The following ANKRD26 variants were observed in gnomAD, a reference collection of about 807,000 sequenced individuals.
The protein encoded by ANKRD26 is ankyrin repeat domain 26.
In ANKRD26, 141 loss-of-function variants were observed where a neutral mutation model predicts 208.7. That is an observed-to-expected ratio of 0.68 (90% CI 0.59 to 0.78). The LOEUF is 0.78. Among genes scored for constraint, ANKRD26 ranks in the 30% least tolerant of loss-of-function variants. The pLI, the probability that ANKRD26 is intolerant of heterozygous loss-of-function variation, is 0.00. For synonymous variants in ANKRD26, 636 were observed against 660.4 expected, an observed-to-expected ratio of 0.96 and a Z score of 0.57; for missense variants, 1,889 against 1,938.7, an observed-to-expected ratio of 0.97 and a Z score of 0.48.
At chr10:26,971,070 G>C, downstream of ANKRD26, among the ~76,000 whole-genome samples, 1 of 152,162 alleles carries the variant, frequency 6.6e-6, no homozygotes, top group Non-Finnish European at 1.5e-5. Flanking sequence ...AAAAGTTAAA[G>C]TGCCCTACCA....
intron 32 of ANKRD26, among the ~76,000 whole-genome samples, chr10:27,011,194 A>G (rs2053092585): frequency 6.6e-6 from 1 of 152,212 alleles, no homozygotes; most frequent in Non-Finnish European, 1.5e-5. Flanking sequence ...GGATATTTTC[A>G]TAATGATACA....
At chr10:26,997,012 TTTTTG>T (rs1165939140) in intron 4 of ANKRD26, among the ~76,000 whole-genome samples, 1 of 152,160 alleles carries the variant, frequency 6.6e-6, no homozygotes, top group Non-Finnish European at 1.5e-5. Context: ...TTTTGGGTTG[TTTTTG>T]TTTTGTCTCC....
chr10:27,027,871 C>T (rs1177759573), intron 27 of ANKRD26, among the ~76,000 whole-genome samples: 4 of 152,086 alleles, frequency 2.6e-5, no homozygotes, highest in African/African-American at 9.7e-5. Flanking sequence ...TTTATAATGG[C>T]GTGAAACCAT....
intron 9 of ANKRD26, 34 bp downstream of exon 9, chr10:27,077,304 G>A: frequency 6.6e-7 from 1 of 1,517,544 alleles, no homozygotes. Context: ...CAGGGGAAGG[G>A]TACATGAAAA....
intron 26 of ANKRD26, 52 bp from the exon 27 acceptor site, chr10:27,028,997 C>T: frequency 1.4e-6 from 2 of 1,426,386 alleles, no homozygotes; most frequent in Non-Finnish European, 1.9e-6. Flanking sequence ...TTTTAAAATA[C>T]TGTGTAATTT....
At chr10:27,098,412 G>C (rs1435175562) in intron 1 of ANKRD26, among the ~76,000 whole-genome samples, 1 of 152,114 alleles carries the variant, frequency 6.6e-6, no homozygotes, top group African/African-American at 2.4e-5. Flanking sequence ...ATCTGTGCAA[G>C]ATTCATATTC....
rs1420965961 is a variant in ANKRD26, at chr10:27,100,193, C to T, written c.134G>A (p.Arg45Gln). The change falls in exon 1 of 34, where the codon CGA becomes CAA. Residue 45 changes from arginine to glutamine, a missense_variant. Physicochemically the swap from Arg to Gln is conservative, Grantham distance 43. This residue lies in a region of ANKRD26 where 1,272 missense variants were observed against 1,273.8 expected (regional missense o/e 1.00). Transcript: ENST00000376087. The part of the protein sequence containing the change: ...YSQPGYHVRD[R>Q]DLGKIHKAAS... The stretch of plus-strand genomic sequence containing the variant: ...AGCTTTGTGGATCTTGCCGAGATCT[C>T]GGTCTCGGACGTGGTAGCCGGGCTG... 1 of 1,613,852 alleles carries T rather than the reference C, an allele frequency of 6.2e-7. No individual in the cohort carries two copies.
At chr10:26,974,497 C>G (rs888727789) in exon 6 of ANKRD26, among the ~76,000 whole-genome samples, 1 of 152,064 alleles carries the variant, frequency 6.6e-6, no homozygotes, top group Non-Finnish European at 1.5e-5. Flanking sequence ...CCCGCCACCA[C>G]GCCTGGCTAA....
rs745918129 is a variant in ANKRD26 at position 27,100,340 on chromosome 10, G to A, written c.-14C>T. On this transcript the variant is annotated 5_prime_UTR_variant, in exon 1 of 34. Coordinates refer to ENST00000376087, the MANE Select transcript of ANKRD26 (RefSeq NM_014915.3). ...AATCTTCTTCATGGCCCAGGCGACC[G>A]GGCTTCAGAGACACCTCATGTCTCT... is the stretch of plus-strand genomic sequence containing the variant. The A allele has an allele frequency of 2.5e-6, 4 of 1,605,044 alleles. No homozygotes were observed. Among genetic ancestry groups the A allele is most frequent in the Non-Finnish European group, 3.4e-6 (4 of 1,179,786 alleles).
At chr10:26,980,040 AATC>A (rs2052284428) in intron 5 of ANKRD26, among the ~76,000 whole-genome samples, 1 of 152,200 alleles carries the variant, frequency 6.6e-6, no homozygotes, top group South Asian at 2.1e-4. Flanking sequence ...AGAGTGGCTA[AATC>A]ATCATCTGGT....
Position 27,067,172 on chromosome 10 carries a change from T to G in ANKRD26, c.1192A>C (p.Lys398Gln). 6.2e-7 allele frequency: 1 copy of G among 1,613,596 alleles called. No individual in the cohort carries two copies. The highest frequency in any genetic ancestry group is 8.5e-7 in the Non-Finnish European group (1 of 1,179,672). ...DNLTYVDEVH[K>Q]NNRSDMMSAL... ...ACTAACTTACCACTTCTATTATTTT[T>G]GTGCACTTCATCAACATAAGTCAAA... is the stretch of plus-strand genomic sequence containing the variant. Residue 398 changes from lysine (K) to glutamine (Q), a missense_variant, in exon 10 of 34, where the codon AAA (lysine) becomes CAA (glutamine). Around this residue, in one of 3 missense-constraint regions of ANKRD26, gnomAD observed 1,272 missense variants for 1,273.8 expected, o/e 1.00. Coordinates refer to ENST00000376087, the MANE Select transcript of ANKRD26 (RefSeq NM_014915.3).
At position 27,035,598 on chromosome 10, in the gene ANKRD26, T is replaced by G. The variant is rs372473998; in HGVS notation, c.2852A>C (p.Glu951Ala). ...AGTCTTCTGAAGGTCTTCATTCTTT[T>G]CTTTTACAATTTTAAGGTCCTCAAA... ...KCFEDLKIVK[E>A]KNEDLQKTIK... is the part of the protein sequence containing the mutation. Residue 951 changes from glutamate to alanine, a missense_variant, in exon 24 of 34, where the codon GAA (glutamate) becomes GCA (alanine). Glu to Ala is a moderately radical substitution (Grantham distance 107). Around this residue, in one of 3 missense-constraint regions of ANKRD26, gnomAD observed 1,272 missense variants for 1,273.8 expected, o/e 1.00. Coordinates refer to ENST00000376087, the MANE Select transcript of ANKRD26 (RefSeq NM_014915.3). 6.2e-7 allele frequency: 1 copy of G among 1,606,144 alleles called. No individual in the cohort carries two copies. Among genetic ancestry groups the G allele is most frequent in the Non-Finnish European group, 8.5e-7 (1 of 1,177,584 alleles).
intron 5 of ANKRD26, among the ~76,000 whole-genome samples, chr10:26,993,245 G>C (rs1290872607): frequency 2.6e-5 from 4 of 152,138 alleles, no homozygotes; most frequent in Non-Finnish European, 5.9e-5. Flanking sequence ...ACCATCCTGG[G>C]GGTAATCAAG....
At chr10:27,010,729 A>T (rs2053070947) in intron 32 of ANKRD26, among the ~76,000 whole-genome samples, 1 of 152,052 alleles carries the variant, frequency 6.6e-6, no homozygotes. Flanking sequence ...CCTGGTCTTG[A>T]ACTCCTGAGC....
chr10:27,003,987 G>C (rs1166214751), downstream of ANKRD26: 1 of 152,100 alleles, frequency 6.6e-6, no homozygotes, highest in Non-Finnish European at 1.5e-5. Context: ...CTATAGATTA[G>C]ATATTAACAT....
exon 6 of ANKRD26, among the ~76,000 whole-genome samples, chr10:26,975,799 C>T (rs1184067359): frequency 1.3e-5 from 2 of 151,700 alleles, no homozygotes; most frequent in Non-Finnish European, 2.9e-5. Context: ...CCCAGATTGC[C>T]CCACTGCACT....
intron 21 of ANKRD26, among the ~76,000 whole-genome samples, chr10:27,039,453 CAA>C (rs34965939): frequency 8.9e-5 from 9 of 101,360 alleles, no homozygotes; most frequent in Non-Finnish European, 4.2e-5. Context: ...GACTCCATCT[CAA>C]AAAAAAAAAA....
chr10:26,965,001 G>T, the ANKRD26 span, among the ~76,000 whole-genome samples: 1 of 152,184 alleles, frequency 6.6e-6, no homozygotes, highest in East Asian at 1.9e-4. Context: ...GCAGCTGTCA[G>T]TGCAATACTT....
At chr10:27,082,703 G>C (rs1024020316) in intron 6 of ANKRD26, 100 bp downstream of exon 6, 7 of 1,458,664 alleles carry the variant, frequency 4.8e-6, no homozygotes, top group African/African-American at 2.9e-5. Context: ...CGACTATATG[G>C]AGAAGCACAT....
Sources: allele counts gnomAD v4.1 joint callset (sites outside exome capture counted in the v4.1 genomes callset), GRCh38; gene constraint gnomAD v4.1.1; regional missense constraint gnomAD v4.1.1; transcripts MANE v1.5; gene names NCBI Gene and HGNC (gene_info 2026-07-23, HGNC 2026-07-21).